Variants in GTF2H1 observed in about 807,000 individuals in gnomAD.
GTF2H1 encodes BTF2 p62.
A neutral mutation model predicts 71.2 loss-of-function variants in GTF2H1; 16 were observed. The observed-to-expected ratio is 0.22, with a 90% CI of 0.15 to 0.34. GTF2H1 has a LOEUF of 0.34. GTF2H1 is among the 10% of genes least tolerant of loss of function. The pLI is 1.00. For missense variants in GTF2H1, 498 were observed against 648.2 expected (o/e 0.77, Z 2.52); for synonymous variants, 215 against 219.0 (o/e 0.98, Z 0.16).
At chr11:18,325,299 C>A (rs908503956) in intron 1 of GTF2H1, among the ~76,000 whole-genome samples, 2 of 152,146 alleles carry the variant, frequency 1.3e-5, no homozygotes, top group African/African-American at 2.4e-5. Context: ...AGAGCAAGAT[C>A]CAGTTATTAG....
intron 4 of GTF2H1, 51 bp downstream of exon 4, chr11:18,338,325 A>G (rs769160962): frequency 8.4e-7 from 1 of 1,184,026 alleles, no homozygotes; most frequent in African/African-American, 1.5e-5. Flanking sequence ...AAACCCCAAT[A>G]TGTGTCTTAA....
chr11:18,347,355 CAG>C (rs747824359), intron 7 of GTF2H1: 16 of 347,896 alleles, frequency 4.6e-5, no homozygotes, highest in Non-Finnish European at 8.3e-5. Flanking sequence ...ATCTCAAAAA[CAG>C]AGAGAAATTC....
intron 14 of GTF2H1, among the ~76,000 whole-genome samples, chr11:18,362,024 AGGGAT>A (rs998711727): frequency 3.3e-5 from 5 of 152,236 alleles, no homozygotes; most frequent in Admixed American, 1.3e-4. Context: ...GCTTAACCAC[AGGGAT>A]GTGTTCTAAA....
intron 1 of GTF2H1, among the ~76,000 whole-genome samples, chr11:18,327,699 T>C (rs1864798268): frequency 6.6e-6 from 1 of 152,142 alleles, no homozygotes; most frequent in African/African-American, 2.4e-5. Flanking sequence ...GGTAATCCTC[T>C]CATTTCAGCC....
chr11:18,351,931 T>C lies in GTF2H1; in HGVS notation c.1104T>C (p.Ser368=), dbSNP rs574564253. Residue 368 remains serine, a synonymous_variant, in exon 10 of 15, where the codon TCT becomes TCC. Transcript: ENST00000265963. ...ATGAAGACTTGGGGAAAAATAATTC[T>C]GTAAAAACGATTGCACTAAACCTCA... is the stretch of plus-strand genomic sequence containing the variant. ...IEYEDLGKNN[S]VKTIALNLKK... is the part of the protein sequence containing the mutation. 1.2e-6 allele frequency: 2 copies of C among 1,601,928 alleles called. No homozygotes were observed. The highest frequency in any genetic ancestry group is 1.7e-4 in the Middle Eastern group (1 of 6,024).
chr11:18,362,882 G>T (rs1440353572), intron 14 of GTF2H1, among the ~76,000 whole-genome samples: 1 of 151,778 alleles, frequency 6.6e-6, no homozygotes, highest in Non-Finnish European at 1.5e-5. Flanking sequence ...TGTCGGCCAG[G>T]TTGGTCTCGA....
At chr11:18,343,873 G>A (rs1328256139) in intron 7 of GTF2H1, among the ~76,000 whole-genome samples, 2 of 152,162 alleles carry the variant, frequency 1.3e-5, no homozygotes, top group African/African-American at 4.8e-5. Flanking sequence ...TCACTCTGTT[G>A]CCCAGGCTGG....
At chr11:18,332,196 G>A (rs4150555) in intron 1 of GTF2H1, among the ~76,000 whole-genome samples, 3,926 of 152,290 alleles carry the variant, frequency 0.026, 150 homozygotes, top group South Asian at 0.083. Flanking sequence ...CAGGGCAAAC[G>A]TAATTGTTAA....
At chr11:18,346,382 G>C (rs552671064) in intron 7 of GTF2H1, among the ~76,000 whole-genome samples, 1 of 151,988 alleles carries the variant, frequency 6.6e-6, no homozygotes, top group Non-Finnish European at 1.5e-5. Flanking sequence ...TATTGTCTCC[G>C]ATCTACTTGG....
rs891371350 is a variant in GTF2H1, at chr11:18,347,674, C to T, written c.924C>T (p.Asn308=). 1 of 1,613,458 alleles carries T rather than the reference C, an allele frequency of 6.2e-7. No individual in the cohort carries two copies. Among genetic ancestry groups the T allele is most frequent in the East Asian group, 2.2e-5 (1 of 44,878 alleles). Residue 308 remains asparagine (N), a synonymous_variant, in exon 8 of 15, where the codon AAC becomes AAT. Coordinates refer to ENST00000265963, the MANE Select transcript of GTF2H1 (RefSeq NM_005316.4). ...NSNAAIIKRF[N]HHSAMVLAAG... ...ATGCTGCCATCATCAAGAGATTTAA[C>T]CATCACAGTGCCATGGTCCTGGCAG... is the stretch of plus-strand genomic sequence containing the variant.
Position 18,338,248 on chromosome 11 carries a change from G to A in GTF2H1, c.487G>A (p.Asp163Asn), listed in dbSNP as rs1298113408. Reference sequence around the variant, plus strand: ...TTCTTCCACATCCAATCATAAGCAGGATGTTGGCATTTCTGCTGCATTTCT... The same window carrying A: ...TTCTTCCACATCCAATCATAAGCAGAATGTTGGCATTTCTGCTGCATTTCT... ...DSSSTSNHKQ[D>N]VGISAAFLAD... The change falls in exon 4 of 15, where the codon GAT (aspartate) becomes AAT (asparagine). Residue 163 changes from aspartate (D) to asparagine (N), a missense_variant. This residue lies in a region of GTF2H1 where 216 missense variants were observed against 306.2 expected (regional missense o/e 0.71). Coordinates refer to ENST00000265963, the MANE Select transcript of GTF2H1 (RefSeq NM_005316.4). 3 of 1,611,440 alleles carry A rather than the reference G, an allele frequency of 1.9e-6. No homozygotes were observed. In the Admixed American group the frequency reaches 5.0e-5, roughly 27 times the overall value.
At chr11:18,354,242 A>G (rs901809193) in intron 11 of GTF2H1, among the ~76,000 whole-genome samples, 1 of 152,208 alleles carries the variant, frequency 6.6e-6, no homozygotes, top group Non-Finnish European at 1.5e-5. Context: ...TCATATCAGG[A>G]GGCAAATGAT....
intron 3 of GTF2H1, among the ~76,000 whole-genome samples, chr11:18,336,258 C>T (rs919809810): frequency 6.6e-6 from 1 of 152,052 alleles, no homozygotes; most frequent in Non-Finnish European, 1.5e-5. Flanking sequence ...TCCCGAGTAG[C>T]TGGGACTACA....
intron 13 of GTF2H1, among the ~76,000 whole-genome samples, chr11:18,359,479 G>A (rs931883263): frequency 2.9e-4 from 44 of 152,272 alleles, no homozygotes; most frequent in African/African-American, 1.0e-3. Flanking sequence ...GTAGCCAAGA[G>A]TCCTTTCTTC....
chr11:18,361,394 C>T (rs1271462618), intron 14 of GTF2H1, among the ~76,000 whole-genome samples: 5 of 151,990 alleles, frequency 3.3e-5, no homozygotes, highest in Admixed American at 6.6e-5. Flanking sequence ...TGGCCGGGTG[C>T]GGTGGCTCAT....
chr11:18,338,566 C>T (rs1194021122), intron 4 of GTF2H1, among the ~76,000 whole-genome samples: 1 of 152,130 alleles, frequency 6.6e-6, no homozygotes, highest in Non-Finnish European at 1.5e-5. Context: ...GCTTCAGCCT[C>T]TCAAGTAGCT....
chr11:18,350,275 C>A (rs1237123015), intron 9 of GTF2H1, among the ~76,000 whole-genome samples: 1 of 152,126 alleles, frequency 6.6e-6, no homozygotes, highest in Non-Finnish European at 1.5e-5. Flanking sequence ...CTAACAAGGC[C>A]TTGGCATAAG....
At chr11:18,348,475 C>G (rs1232023457) in intron 9 of GTF2H1, 1 of 154,238 alleles carries the variant, frequency 6.5e-6, no homozygotes, top group East Asian at 1.9e-4. Flanking sequence ...ATAAAGCTTT[C>G]TTAGAGAGCA....
chr11:18,356,281 G>A (rs753375264), intron 11 of GTF2H1, among the ~76,000 whole-genome samples: 11 of 151,806 alleles, frequency 7.2e-5, no homozygotes, highest in Non-Finnish European at 1.5e-4. Flanking sequence ...GGGAGGCTGA[G>A]GCAGAAGAAT....
Sources: allele counts gnomAD v4.1 joint callset (sites outside exome capture counted in the v4.1 genomes callset), GRCh38; gene constraint gnomAD v4.1.1; regional missense constraint gnomAD v4.1.1; transcripts MANE v1.5; gene names NCBI Gene and HGNC (gene_info 2026-07-23, HGNC 2026-07-21).